The following CYP4F11 variants were observed in gnomAD, a reference collection of about 807,000 sequenced individuals.
CYP4F11 encodes the protein cytochrome P450 4F11.
CYP4F11 carries 79 observed loss-of-function variants against 62.2 expected under a neutral mutation model. The observed-to-expected ratio is 1.27, with a 90% CI of 1.06 to 1.53. The LOEUF is 1.53. CYP4F11 is among the 40% of genes most tolerant of loss of function. The pLI is 0.00. For synonymous variants in CYP4F11, 290 were observed against 263.7 expected, an observed-to-expected ratio of 1.10 and a Z score of -0.97; for missense variants, 777 against 680.5, an observed-to-expected ratio of 1.14 and a Z score of -1.58.
chr19:15,914,366 C>T lies in CYP4F11; in HGVS notation c.1336G>A (p.Asp446Asn), dbSNP rs1060463. The change falls in exon 11 of 12, where the codon GAC (aspartate) becomes AAC (asparagine). Residue 446 changes from aspartate to asparagine, a missense_variant. Physicochemically the swap from Asp to Asn is conservative, Grantham distance 23. Coordinates refer to ENST00000402119, the MANE Select transcript of CYP4F11 (RefSeq NM_021187.4). ...GACCTCTCCTTGATGTTCTCTTGGT[C>T]GAAACGGAAGGGGTCGTAGACCTGC... ...DPEVYDPFRF[D>N]QENIKERSPL... 952,785 of 1,613,380 alleles carry T rather than the reference C, an allele frequency of 0.59. 284,718 individuals are homozygous for T. Among genetic ancestry groups the T allele is most frequent in the Non-Finnish European group, 0.61 (722,409 of 1,179,626 alleles).
At position 15,927,427 on chromosome 19, in the gene CYP4F11, C is replaced by T. The variant is rs1215411266; in HGVS notation, c.397+3G>A. The T allele has an allele frequency of 1.2e-6, 2 of 1,614,170 alleles. No homozygotes were observed. The highest frequency in any genetic ancestry group is 1.7e-4 in the Middle Eastern group (1 of 6,060). On this transcript the variant is annotated splice_donor_region_variant and intron_variant, in intron 3 of 11. Transcript: ENST00000402119. ...CCCAACCCCATTCACCTCAATTACT[C>T]ACCCAGCCAGGGCTTCAGGAAGCCA...
At chr19:15,929,414 T>G in intron 2 of CYP4F11, 43 bp downstream of exon 2, 2 of 1,613,118 alleles carry the variant, frequency 1.2e-6, no homozygotes, top group Non-Finnish European at 1.7e-6. Flanking sequence ...AGAAGGCCTT[T>G]GATGTTTCCC....
Position 15,934,433 on chromosome 19 carries a change from G to A in CYP4F11, c.-25C>T. On this transcript the variant is annotated 5_prime_UTR_variant, in exon 1 of 12. Transcript: ENST00000402119. The stretch of plus-strand genomic sequence containing the variant: ...TCCTGCAGGGCAGACGGGATGGAGG[G>A]TGGGATCCTGAGGCCCAGGGAAGGG... The A allele has an allele frequency of 6.2e-7, 1 of 1,609,836 alleles. No individual in the cohort carries two copies. The highest frequency in any genetic ancestry group is 8.5e-7 in the Non-Finnish European group (1 of 1,178,622).
chr19:15,921,998 A>G, intron 8 of CYP4F11, 39 bp downstream of exon 8: 2 of 1,533,264 alleles, frequency 1.3e-6, no homozygotes, highest in Non-Finnish European at 1.7e-6. Flanking sequence ...AGCAGAACCA[A>G]TGACAAAAGA....
intron 2 of CYP4F11, among the ~76,000 whole-genome samples, chr19:15,929,250 A>G (rs572574294): frequency 7.7e-4 from 118 of 152,288 alleles, no homozygotes; most frequent in African/African-American, 2.7e-3. Context: ...TGCCCAGAAC[A>G]CAAAGGCAGA....
chr19:15,931,192 G>A (rs2089712803), intron 1 of CYP4F11, among the ~76,000 whole-genome samples: 1 of 151,892 alleles, frequency 6.6e-6, no homozygotes, highest in Non-Finnish European at 1.5e-5. Context: ...GGAGGCAGCG[G>A]GAGACTGCCC....
chr19:15,929,623 T>C, intron 1 of CYP4F11, 22 bp from the exon 2 acceptor site: 1 of 1,567,932 alleles, frequency 6.4e-7, no homozygotes. Flanking sequence ...GCAGAGGCCG[T>C]CAGCCCTTGT....
chr19:15,930,429 T>G (rs2089704323), intron 1 of CYP4F11, among the ~76,000 whole-genome samples: 1 of 151,930 alleles, frequency 6.6e-6, no homozygotes, highest in East Asian at 1.9e-4. Context: ...CCGTGTCTAC[T>G]AAAAATACAA....
intron 10 of CYP4F11, 29 bp downstream of exon 10, chr19:15,914,573 C>G (rs928811297): frequency 4.3e-6 from 7 of 1,613,478 alleles, no homozygotes; most frequent in Non-Finnish European, 5.9e-6. Flanking sequence ...GAATGGACTC[C>G]AAAAAGGGTG....
At chr19:15,934,016 G>A (rs2089753864) in intron 1 of CYP4F11, among the ~76,000 whole-genome samples, 195 bp downstream of exon 1, 1 of 114,484 alleles carries the variant, frequency 8.7e-6, no homozygotes, top group Admixed American at 9.2e-5. Flanking sequence ...AGAGGAATGA[G>A]TGAGTGGGCA....
intron 1 of CYP4F11, among the ~76,000 whole-genome samples, chr19:15,933,262 GA>G (rs2089744415): frequency 1.2e-4 from 3 of 24,208 alleles, no homozygotes; most frequent in African/African-American, 2.1e-4. Flanking sequence ...ATGAGTGAGC[GA>G]GGAGAGGAAT....
rs2089551045 is a variant in CYP4F11 at position 15,913,163 on chromosome 19, T to C, written c.*569A>G. The stretch of plus-strand genomic sequence containing the variant: ...AGAGCCAGGACTTGAGCCCAAGCAG[T>C]CTGGCTCCAGATCCTATGCCTCTGA... On this transcript the variant is annotated 3_prime_UTR_variant, in exon 12 of 12. Coordinates refer to ENST00000402119, the MANE Select transcript of CYP4F11 (RefSeq NM_021187.4). 2 of 159,110 alleles carry C rather than the reference T, an allele frequency of 1.3e-5. No individual in the cohort carries two copies. The highest frequency in any genetic ancestry group is 1.1e-4 in the Admixed American group (2 of 17,500). The allele number at this position is 159,110 out of a possible 1,614,324, so 9.9% of individuals were successfully genotyped here. A position where few individuals can be genotyped will look rare whatever the true frequency, so the allele number is the denominator to read the frequency against.
rs1187138538 is a variant in CYP4F11 at position 15,912,774 on chromosome 19, TATATATATATATATA to T, written c.*943_*957del. 7 of 35,084 alleles carry T rather than the reference TATATATATATATATA, an allele frequency of 2.0e-4. 1 individual carries two copies. Among genetic ancestry groups the T allele is most frequent in the South Asian group, 8.2e-4 (1 of 1,226 alleles). 2.2% of individuals were successfully genotyped at this position (35,084 alleles called of 1,614,324 possible). Reference sequence around the variant, plus strand: ...GTGTGTGTGTGTGTGTGTGTGTGTATATATATATATATATAATATATATATATATATACATATCTT... The same window carrying T: ...GTGTGTGTGTGTGTGTGTGTGTGTATATATATATATATATATACATATCTT... On this transcript the variant is annotated 3_prime_UTR_variant, in exon 12 of 12. Transcript: ENST00000402119.
Position 15,914,351 on chromosome 19 carries a change from TG to T in CYP4F11, c.1350del (p.Lys451ArgfsTer28). The T allele has an allele frequency of 6.2e-7, 1 of 1,614,048 alleles. No homozygotes were observed. The highest frequency in any genetic ancestry group is 1.1e-5 in the South Asian group (1 of 91,066). On this transcript the variant is annotated frameshift_variant, in exon 11 of 12. Coordinates refer to ENST00000402119, the MANE Select transcript of CYP4F11 (RefSeq NM_021187.4). LOFTEE classifies it high-confidence loss of function. ...ATAAAAGCCAGAGGTGACCTCTCCT[TG>T]ATGTTCTCTTGGTCGAAACGGAAGG... ...YDPFRFDQEN[I>X]KERSPLAFIP...
chr19:15,913,730 AGTCACT>A lies in CYP4F11; in HGVS notation c.1571_*1del, dbSNP rs1182212952. ...ACAGAGGTGGGTGGGTGGGTAGGAC[AGTCACT>A]GTGAGTTCGCACCCAGGGGCTCCAC... is the stretch of plus-strand genomic sequence containing the variant. On this transcript the variant is annotated stop_lost and 3_prime_UTR_variant, in exon 12 of 12. Coordinates refer to ENST00000402119, the MANE Select transcript of CYP4F11 (RefSeq NM_021187.4). The A allele has an allele frequency of 2.5e-6, 4 of 1,613,994 alleles. No homozygotes were observed. The highest frequency in any genetic ancestry group is 2.5e-6 in the Non-Finnish European group (3 of 1,179,990).
chr19:15,933,961 C>T (rs1486080669), intron 1 of CYP4F11, among the ~76,000 whole-genome samples: 1 of 139,660 alleles, frequency 7.2e-6, no homozygotes, highest in African/African-American at 2.8e-5. Context: ...AATGAGTGAG[C>T]GGGGAGAGGA....
At position 15,912,550 on chromosome 19, in the gene CYP4F11, T is replaced by A. The variant is rs1192617919; in HGVS notation, c.*1182A>T. On this transcript the variant is annotated 3_prime_UTR_variant, in exon 12 of 12. Coordinates refer to ENST00000402119, the MANE Select transcript of CYP4F11 (RefSeq NM_021187.4). ...GTCAACAGGGTTTAGCGATGCAACA[T>A]CCCTTAGGCTATGAAAAGAGATCAA... is the stretch of plus-strand genomic sequence containing the variant. 1.3e-5 allele frequency: 2 copies of A among 151,466 alleles called. No homozygotes were observed. Among genetic ancestry groups the A allele is most frequent in the Middle Eastern group, 3.4e-3 (1 of 290 alleles). The allele number at this position is 151,466 out of a possible 1,614,324, so 9.4% of individuals were successfully genotyped here. A position where few individuals can be genotyped will look rare whatever the true frequency, so the allele number is the denominator to read the frequency against.
At position 15,923,806 on chromosome 19, in the gene CYP4F11, G is replaced by A; in HGVS notation, c.918+6C>T. The stretch of plus-strand genomic sequence containing the variant: ...TTACTTGAATTCACATCCCAGAGAA[G>A]CCTACCTTGCTCAGCAGAAGCACAT... On this transcript the variant is annotated splice_donor_region_variant and intron_variant, in intron 6 of 11. Coordinates refer to ENST00000402119, the MANE Select transcript of CYP4F11 (RefSeq NM_021187.4). The A allele has an allele frequency of 1.9e-6, 3 of 1,609,548 alleles. No individual in the cohort carries two copies. Among genetic ancestry groups the A allele is most frequent in the South Asian group, 2.2e-5 (2 of 90,958 alleles).
rs1165743315 is a variant in CYP4F11, at chr19:15,913,444, C to A, written c.*288G>T. ...CCTTAAACCCATTCTTAATCCTGTT[C>A]CCTCTCCTGCTCAAACACCTCCCAG... On this transcript the variant is annotated 3_prime_UTR_variant, in exon 12 of 12. Transcript: ENST00000402119. 4.5e-6 allele frequency: 2 copies of A among 442,966 alleles called. No individual in the cohort carries two copies. Among genetic ancestry groups the A allele is most frequent in the Non-Finnish European group, 8.4e-6 (2 of 237,956 alleles). The allele number at this position is 442,966 out of a possible 1,614,324, so 27.4% of individuals were successfully genotyped here.
Sources: gnomAD v4.1 joint callset for allele counts (sites outside exome capture counted in the v4.1 genomes callset) on GRCh38, gnomAD v4.1.1 for gene constraint, MANE v1.5 for transcripts, NCBI Gene and HGNC (gene_info 2026-07-23, HGNC 2026-07-21) for gene names.